Variants in PGM3 observed in about 807,000 individuals in gnomAD.
The protein encoded by PGM3 is phosphoacetylglucosamine mutase.
Under a neutral mutation model 66.2 loss-of-function variants are expected in PGM3, and 40 were observed. That is an observed-to-expected ratio of 0.60 (90% confidence interval 0.47 to 0.79). The LOEUF is 0.79. Ranked by LOEUF, PGM3 falls within the 30% of genes least tolerant of loss-of-function variation. The pLI, the probability that PGM3 is intolerant of heterozygous loss-of-function variation, is 0.00. For missense variants in PGM3, 537 were observed against 643.4 expected, an observed-to-expected ratio of 0.83 and a Z score of 1.79; for synonymous variants, 191 against 224.2, an observed-to-expected ratio of 0.85 and a Z score of 1.32.
At chr6:83,161,901 T>G (rs546888841), downstream of PGM3, among the ~76,000 whole-genome samples, 8 of 152,304 alleles carry the variant, frequency 5.3e-5, no homozygotes, top group South Asian at 1.7e-3. Flanking sequence ...TGTGGTACTT[T>G]GTAAGTGCAA....
Position 83,188,580 on chromosome 6 carries a change from G to GA in PGM3, c.389+33_389+34insT. ...CAATCGTTTATATCACGTTCCCAAA[G>GA]GTTTTTTTTTTTACCAGTAACTCTT... On this transcript the variant is annotated intron_variant, in intron 3 of 12. Coordinates refer to ENST00000513973, the MANE Select transcript of PGM3 (RefSeq NM_015599.3). 3 of 1,479,074 alleles carry GA rather than the reference G, an allele frequency of 2.0e-6. No individual in the cohort carries two copies. In the South Asian group the frequency reaches 3.5e-5, roughly 17 times the overall value. 91.6% of individuals were successfully genotyped at this position (1,479,074 alleles called of 1,614,324 possible).
chr6:83,179,675 C>T, intron 7 of PGM3, 135 bp downstream of exon 7: 3 of 621,954 alleles, frequency 4.8e-6, no homozygotes, highest in Middle Eastern at 2.8e-4. Flanking sequence ...ATTACCACTG[C>T]TCTTTTTTTA....
chr6:83,174,135 T>TAGA (rs1787569601), intron 10 of PGM3, among the ~76,000 whole-genome samples: 1 of 152,140 alleles, frequency 6.6e-6, no homozygotes, highest in Non-Finnish European at 1.5e-5. Flanking sequence ...TGATCCTAGG[T>TAGA]AGAAGCTACC....
intron 10 of PGM3, 86 bp from the exon 11 acceptor site, chr6:83,172,145 G>A: frequency 1.4e-6 from 2 of 1,379,902 alleles, no homozygotes; most frequent in South Asian, 1.2e-5. Flanking sequence ...ACCAATCACA[G>A]TACAGGTTGA....
Position 83,167,163 on chromosome 6 carries a change from TC to T in PGM3, c.*2070del. 1 of 901,932 alleles carries T rather than the reference TC, an allele frequency of 1.1e-6. No homozygotes were observed. The highest frequency in any genetic ancestry group is 1.3e-6 in the Non-Finnish European group (1 of 753,772). 55.9% of individuals were successfully genotyped at this position (901,932 alleles called of 1,614,324 possible). A position where few individuals can be genotyped will look rare whatever the true frequency, so the allele number is the denominator to read the frequency against. ...TCTACTAAAAGGTAGTTTTAGACTG[TC>T]CCATTTTATAAGTGAGGAACCTTTG... On this transcript the variant is annotated 3_prime_UTR_variant, in exon 13 of 13. Transcript: ENST00000513973.
At position 83,172,077 on chromosome 6, in the gene PGM3, A is replaced by G; in HGVS notation, c.1243-18T>C. On this transcript the variant is annotated intron_variant, in intron 10 of 12. Transcript: ENST00000513973. ...CCAGCTGCCTGCAAATGGGGAAACAAATGGAAGAAACCACTTAACACAAGC... is the reference window on the plus strand; with the variant it reads ...CCAGCTGCCTGCAAATGGGGAAACAGATGGAAGAAACCACTTAACACAAGC... 1 of 1,612,948 alleles carries G rather than the reference A, an allele frequency of 6.2e-7. No homozygotes were observed. Among genetic ancestry groups the G allele is most frequent in the Non-Finnish European group, 8.5e-7 (1 of 1,179,506 alleles).
chr6:83,166,404 C>T lies in PGM3; in HGVS notation c.*2830G>A. 1 of 702,128 alleles carries T rather than the reference C, an allele frequency of 1.4e-6. No individual in the cohort carries two copies. The allele number at this position is 702,128 out of a possible 1,614,324, so 43.5% of individuals were successfully genotyped here. On this transcript the variant is annotated 3_prime_UTR_variant, in exon 13 of 13. Transcript: ENST00000513973. ...TTGAGCCATCACGGCACTGTATGTTCATTAGCAGTTCCTGGGCCAAATGCA... is the reference window on the plus strand; with the variant it reads ...TTGAGCCATCACGGCACTGTATGTTTATTAGCAGTTCCTGGGCCAAATGCA...
intron 4 of PGM3, among the ~76,000 whole-genome samples, chr6:83,186,289 G>C (rs1360681493): frequency 6.6e-6 from 1 of 152,148 alleles, no homozygotes; most frequent in Non-Finnish European, 1.5e-5. Flanking sequence ...TAAGGATACA[G>C]ACTCACCTGC....
In PGM3 at chr6:83,164,926, G is replaced by A; in HGVS notation, c.*4308C>T. 1 of 470,294 alleles carries A rather than the reference G, an allele frequency of 2.1e-6. No homozygotes were observed. Among genetic ancestry groups the A allele is most frequent in the Middle Eastern group, 3.3e-4 (1 of 3,036 alleles). 29.1% of individuals were successfully genotyped at this position (470,294 alleles called of 1,614,324 possible). On this transcript the variant is annotated 3_prime_UTR_variant, in exon 13 of 13. Coordinates refer to ENST00000513973, the MANE Select transcript of PGM3 (RefSeq NM_015599.3). ...ATATTGAGACAATACATATAGTTCT[G>A]ATTAAGAGCATCAGAAACTCTGAAT...
At chr6:83,162,696 G>A, downstream of PGM3, 1 of 1,375,296 alleles carries the variant, frequency 7.3e-7, no homozygotes, top group Non-Finnish European at 9.7e-7. Context: ...TTTATAAGCA[G>A]TGGGGTCATG....
intron 8 of PGM3, among the ~76,000 whole-genome samples, chr6:83,177,173 A>G (rs1787833547): frequency 6.6e-6 from 1 of 152,128 alleles, no homozygotes; most frequent in Non-Finnish European, 1.5e-5. Flanking sequence ...ACCTGTCCAA[A>G]TCCTGCAGGA....
At chr6:83,149,002 G>A in the PGM3 span, 1 of 490,050 alleles carries the variant, frequency 2.0e-6, no homozygotes. Flanking sequence ...AAAACTAGAT[G>A]TATAAGGCCT....
At chr6:83,149,731 G>A in the PGM3 span, among the ~76,000 whole-genome samples, 1 of 152,104 alleles carries the variant, frequency 6.6e-6, no homozygotes, top group African/African-American at 2.4e-5. Flanking sequence ...GAAGTGTGGG[G>A]ATGGTTTCAA....
chr6:83,171,194 G>C (rs1308369805), intron 11 of PGM3: 2 of 152,056 alleles, frequency 1.3e-5, no homozygotes, highest in African/African-American at 4.8e-5. Flanking sequence ...ATACAAAAGA[G>C]TATTGGGAGG....
Position 83,167,527 on chromosome 6 carries a change from C to T in PGM3, c.*1707G>A. The T allele has an allele frequency of 2.0e-6, 2 of 1,021,662 alleles. No individual in the cohort carries two copies. The highest frequency in any genetic ancestry group is 4.5e-5 in the South Asian group (1 of 22,066). 63.3% of individuals were successfully genotyped at this position (1,021,662 alleles called of 1,614,324 possible). Reference sequence around the variant, plus strand: ...GTCCTTGGTTACAGTAGTGAGGGTTCAGAAACCTGGGAGCTTTTTGAGTAA... The same window carrying T: ...GTCCTTGGTTACAGTAGTGAGGGTTTAGAAACCTGGGAGCTTTTTGAGTAA... On this transcript the variant is annotated 3_prime_UTR_variant, in exon 13 of 13. Coordinates refer to ENST00000513973, the MANE Select transcript of PGM3 (RefSeq NM_015599.3).
the PGM3 span, chr6:83,154,411 A>C: frequency 1.6e-6 from 1 of 613,124 alleles, no homozygotes; most frequent in Non-Finnish European, 2.8e-6. Flanking sequence ...CGCTATGGGA[A>C]TATAATCTTA....
At chr6:83,176,157 C>A (rs1381989332) in intron 8 of PGM3, 97 bp from the exon 9 acceptor site, 3 of 719,738 alleles carry the variant, frequency 4.2e-6, no homozygotes, top group Non-Finnish European at 7.6e-6. Flanking sequence ...GAACAAAATA[C>A]TGGGGCCGAG....
Position 83,167,130 on chromosome 6 carries a change from T to A in PGM3, c.*2104A>T, listed in dbSNP as rs1177407368. On this transcript the variant is annotated 3_prime_UTR_variant, in exon 13 of 13. Transcript: ENST00000513973. ...ACAGAGTTTTCACATACCTTCTCAT[T>A]TGACTTCTCTACTAAAAGGTAGTTT... 1.1e-6 allele frequency: 1 copy of A among 945,102 alleles called. No homozygotes were observed. The highest frequency in any genetic ancestry group is 1.3e-6 in the Non-Finnish European group (1 of 793,320). 58.5% of individuals were successfully genotyped at this position (945,102 alleles called of 1,614,324 possible).
At chr6:83,152,866 C>T in the PGM3 span, among the ~76,000 whole-genome samples, 1 of 152,104 alleles carries the variant, frequency 6.6e-6, no homozygotes, top group Non-Finnish European at 1.5e-5. Flanking sequence ...AATCCGCCCA[C>T]CTCGGCTTCC....
Sources: allele counts gnomAD v4.1 joint callset (sites outside exome capture counted in the v4.1 genomes callset), GRCh38; gene constraint gnomAD v4.1.1; transcripts MANE v1.5; gene names NCBI Gene and HGNC (gene_info 2026-07-23, HGNC 2026-07-21).